Variants in GRM1 observed in about 807,000 individuals in gnomAD.
GRM1 encodes the protein metabotropic glutamate receptor 1.
GRM1 carries 33 observed loss-of-function variants against 90.9 expected under a neutral mutation model. The ratio of observed to expected loss-of-function variants is 0.36; its 90% CI spans 0.28 to 0.49. The LOEUF (loss-of-function observed/expected upper bound fraction) is 0.49, where lower values mean the gene tolerates loss of function less well. Ranked by LOEUF, GRM1 falls within the 20% of genes least tolerant of loss-of-function variation. GRM1 has a pLI of 0.99. For missense variants in GRM1, 1,190 were observed against 1,534.3 expected, an observed-to-expected ratio of 0.78 and a Z score of 3.75; for synonymous variants, 700 against 613.2, an observed-to-expected ratio of 1.14 and a Z score of -2.09.
chr6:146,229,103 C>A (rs917681551), intron 2 of GRM1, among the ~76,000 whole-genome samples: 1 of 151,900 alleles, frequency 6.6e-6, no homozygotes, highest in Non-Finnish European at 1.5e-5. Context: ...AAAGTCAATT[C>A]TAAAATTGTA....
At chr6:146,060,136 C>T (rs775875027) in intron 1 of GRM1, among the ~76,000 whole-genome samples, 1 of 152,112 alleles carries the variant, frequency 6.6e-6, no homozygotes, top group Non-Finnish European at 1.5e-5. Flanking sequence ...TGGCTTTCAT[C>T]ATGGCTTCTT....
intron 6 of GRM1, among the ~76,000 whole-genome samples, chr6:146,390,409 T>C (rs1401226568): frequency 6.6e-6 from 1 of 152,006 alleles, no homozygotes; most frequent in East Asian, 1.9e-4. Context: ...AGCACTTAAA[T>C]TTCACACTTT....
At chr6:146,244,278 T>C (rs947592512) in intron 2 of GRM1, among the ~76,000 whole-genome samples, 1 of 152,194 alleles carries the variant, frequency 6.6e-6, no homozygotes. Flanking sequence ...CCATGAAATC[T>C]TCACAATTTA....
At chr6:146,220,939 G>T (rs1314114866) in intron 2 of GRM1, among the ~76,000 whole-genome samples, 1 of 152,036 alleles carries the variant, frequency 6.6e-6, no homozygotes, top group Non-Finnish European at 1.5e-5. Context: ...CATAGGGTGG[G>T]TGACAAGATG....
intron 6 of GRM1, among the ~76,000 whole-genome samples, chr6:146,397,782 G>C (rs573276074): frequency 1.3e-5 from 2 of 152,224 alleles, no homozygotes; most frequent in African/African-American, 4.8e-5. Context: ...TGCTTGCTTG[G>C]CATCCAAACA....
intron 2 of GRM1, among the ~76,000 whole-genome samples, chr6:146,184,257 A>G (rs1200423153): frequency 6.6e-6 from 1 of 152,152 alleles, no homozygotes; most frequent in African/African-American, 2.4e-5. Flanking sequence ...TCAGAAGAAA[A>G]TATAAAGGTC....
intron 2 of GRM1, among the ~76,000 whole-genome samples, chr6:146,257,836 A>G (rs989934955): frequency 4.6e-5 from 7 of 152,072 alleles, no homozygotes; most frequent in Non-Finnish European, 8.8e-5. Context: ...CCTGATTCAA[A>G]TGCAAATTTT....
chr6:146,435,134 C>G lies in GRM1; in HGVS notation c.*338C>G, dbSNP rs1389885804. 2.3e-6 allele frequency: 1 copy of G among 431,488 alleles called. No individual in the cohort carries two copies. Among genetic ancestry groups the G allele is most frequent in the Non-Finnish European group, 4.3e-6 (1 of 230,804 alleles). 26.7% of individuals were successfully genotyped at this position (431,488 alleles called of 1,614,324 possible). Reference sequence around the variant, plus strand: ...CACAAACATAATGTCCTCTTTTGCACAATTGTGCATAGATATATATATGCC... The same window carrying G: ...CACAAACATAATGTCCTCTTTTGCAGAATTGTGCATAGATATATATATGCC... On this transcript the variant is annotated 3_prime_UTR_variant, in exon 8 of 8. Transcript: ENST00000282753.
intron 2 of GRM1, among the ~76,000 whole-genome samples, chr6:146,168,820 C>A (rs1041551168): frequency 6.6e-6 from 1 of 152,052 alleles, no homozygotes; most frequent in Non-Finnish European, 1.5e-5. Context: ...ATCTGCTGTA[C>A]TTCTTTTTAC....
At chr6:146,162,137 T>G (rs181413226) in intron 2 of GRM1, among the ~76,000 whole-genome samples, 176 of 152,340 alleles carry the variant, frequency 1.2e-3, no homozygotes, top group African/African-American at 4.2e-3. Flanking sequence ...TAAGGGATTT[T>G]ATCTACCAAA....
In GRM1 at chr6:146,314,051, CTTTTTTTTTTTTTT is replaced by C. The variant is rs552986343; in HGVS notation, c.1186+9224_1186+9237del. On this transcript the variant is annotated intron_variant, in intron 3 of 7. Transcript: ENST00000282753. ...CACTGTATATATCAATAGTTAATTC[CTTTTTTTTTTTTTT>C]TTTTTTTTTTTTTTTTTTGGAGACA... Among the ~76,000 whole-genome samples, 449 of 62,038 alleles carry C rather than the reference CTTTTTTTTTTTTTT, an allele frequency of 7.2e-3. 3 individuals are homozygous for C. The highest frequency in any genetic ancestry group is 0.03 in the African/African-American group (385 of 12,940). The allele number at this position is 62,038 out of a possible 152,430, so 40.7% of individuals were successfully genotyped here. A position where few individuals can be genotyped will look rare whatever the true frequency, so the allele number is the denominator to read the frequency against.
Position 146,029,271 on chromosome 6 carries a change from G to A in GRM1, c.-247G>A, listed in dbSNP as rs1266225858. On this transcript the variant is annotated 5_prime_UTR_variant, in exon 1 of 8. Transcript: ENST00000282753. ...TTTACCTTGATGCACTACCGGTGAA[G>A]AACGGGGACTCGAATTCCCTTACAA... is the stretch of plus-strand genomic sequence containing the variant. 3 of 561,054 alleles carry A rather than the reference G, an allele frequency of 5.3e-6. No homozygotes were observed. The highest frequency in any genetic ancestry group is 9.6e-6 in the Non-Finnish European group (3 of 312,718). 34.8% of individuals were successfully genotyped at this position (561,054 alleles called of 1,614,324 possible).
At chr6:146,052,637 G>A (rs1383901856) in intron 1 of GRM1, among the ~76,000 whole-genome samples, 2 of 151,948 alleles carry the variant, frequency 1.3e-5, no homozygotes, top group Non-Finnish European at 2.9e-5. Context: ...TTAATGCCTT[G>A]GTGTTGGCTG....
intron 2 of GRM1, among the ~76,000 whole-genome samples, chr6:146,234,607 C>T (rs886705757): frequency 6.6e-6 from 1 of 151,930 alleles, no homozygotes; most frequent in Non-Finnish European, 1.5e-5. Context: ...CCACTTCTTT[C>T]CTCTCATATT....
At chr6:146,050,696 T>C (rs757403704) in intron 1 of GRM1, among the ~76,000 whole-genome samples, 3 of 152,074 alleles carry the variant, frequency 2.0e-5, no homozygotes, top group Non-Finnish European at 2.9e-5. Flanking sequence ...CAAAGCAGAA[T>C]CTACACACTG....
chr6:146,100,448 T>G (rs1260729056), intron 1 of GRM1, among the ~76,000 whole-genome samples: 1 of 152,200 alleles, frequency 6.6e-6, no homozygotes, highest in Non-Finnish European at 1.5e-5. Flanking sequence ...TCCACTCTGG[T>G]TTTTAATTGA....
At chr6:146,182,389 G>C (rs1778580402) in intron 2 of GRM1, among the ~76,000 whole-genome samples, 1 of 151,974 alleles carries the variant, frequency 6.6e-6, no homozygotes, top group Non-Finnish European at 1.5e-5. Context: ...TGTCTTGATT[G>C]CAAGAAATTA....
chr6:146,273,426 C>A (rs1196242070), intron 2 of GRM1, among the ~76,000 whole-genome samples: 1 of 152,122 alleles, frequency 6.6e-6, no homozygotes, highest in African/African-American at 2.4e-5. Flanking sequence ...TCTTCAAACA[C>A]AAAGCCAAAG....
In GRM1 at chr6:146,030,105, T is replaced by G; in HGVS notation, c.588T>G (p.Thr196=). The G allele has an allele frequency of 6.2e-7, 1 of 1,614,130 alleles. No individual in the cohort carries two copies. Among genetic ancestry groups the G allele is most frequent in the African/African-American group, 1.3e-5 (1 of 75,042 alleles). ...SATSIDLSDK[T]LYKYFLRVVP... is the part of the protein sequence containing the mutation. The stretch of plus-strand genomic sequence containing the variant: ...CAAGCATCGACCTGAGTGACAAAAC[T>G]TTGTACAAATACTTCCTGAGGGTTG... Residue 196 remains threonine, a synonymous_variant, in exon 1 of 8, where the codon ACT becomes ACG. Coordinates refer to ENST00000282753, the MANE Select transcript of GRM1 (RefSeq NM_001278064.2).
Sources: allele counts gnomAD v4.1 joint callset (sites outside exome capture counted in the v4.1 genomes callset), GRCh38; gene constraint gnomAD v4.1.1; transcripts MANE v1.5; gene names NCBI Gene and HGNC (gene_info 2026-07-23, HGNC 2026-07-21).